C1R: variants seen among roughly 807,000 people sequenced by gnomAD.
C1R encodes the protein complement C1r.
Under a neutral mutation model 27.6 loss-of-function variants are expected in C1R, and 15 were observed. The ratio of observed to expected loss-of-function variants is 0.54; its 90% CI spans 0.36 to 0.84. C1R has a LOEUF of 0.84. Among genes scored for constraint, C1R ranks in the 40% least tolerant of loss-of-function variants. The pLI, the probability that C1R is intolerant of heterozygous loss-of-function variation, is 0.01. For synonymous variants in C1R, 253 were observed against 228.8 expected, an observed-to-expected ratio of 1.11 and a Z score of -0.95; for missense variants, 544 against 577.9, an observed-to-expected ratio of 0.94 and a Z score of 0.60.
intron 3 of C1R, 22 bp from the exon 4 acceptor site, chr12:7,089,755 G>C (rs756632580): frequency 6.4e-6 from 5 of 779,186 alleles, no homozygotes; most frequent in Non-Finnish European, 1.2e-5. Flanking sequence ...TCAGGAAGGA[G>C]GGTTAAGCTT....
In C1R at chr12:7,090,267, G is replaced by C. The variant is rs4600291; in HGVS notation, c.232-19C>G. ...CAGAGATCTGGTGGAAGAAGGACAG[G>C]GGGTAGGAAGAAGATCTGTTGCGGA... On this transcript the variant is annotated intron_variant, in intron 2 of 10. Transcript: ENST00000647956. 8 of 718,460 alleles carry C rather than the reference G, an allele frequency of 1.1e-5. No individual in the cohort carries two copies. The highest frequency in any genetic ancestry group is 1.8e-5 in the Non-Finnish European group (7 of 384,634). 44.5% of individuals were successfully genotyped at this position (718,460 alleles called of 1,614,324 possible).
Position 7,082,042 on chromosome 12 carries a change from C to T in C1R, c.1338G>A (p.Arg446=). 6.5e-7 allele frequency: 1 copy of T among 1,537,112 alleles called. No individual in the cohort carries two copies. The part of the protein sequence containing the change: ...KNEQKGEKIP[R]CLPVCGKPVN... ...AGGGTTTCCACTCACCTGGCAAGCACCGAGGAATCTTCTCTCCCTTCTGTT... is the reference window on the plus strand; with the variant it reads ...AGGGTTTCCACTCACCTGGCAAGCATCGAGGAATCTTCTCTCCCTTCTGTT... The change falls in exon 10 of 11, where the codon CGG becomes CGA. Residue 446 remains arginine, a synonymous_variant. Transcript: ENST00000647956.
intron 3 of C1R, 74 bp downstream of exon 3, chr12:7,089,982 C>A: frequency 1.4e-6 from 1 of 704,156 alleles, no homozygotes; most frequent in Non-Finnish European, 2.7e-6. Flanking sequence ...TCTTTGCATT[C>A]AAGATTCCCT....
chr12:7,080,500 C>G lies in C1R; in HGVS notation c.*32G>C. The G allele has an allele frequency of 6.6e-7, 1 of 1,517,142 alleles. No individual in the cohort carries two copies. The highest frequency in any genetic ancestry group is 1.3e-5 in the South Asian group (1 of 74,218). 94.0% of individuals were successfully genotyped at this position (1,517,142 alleles called of 1,614,324 possible). On this transcript the variant is annotated 3_prime_UTR_variant, in exon 11 of 11. Transcript: ENST00000647956. The surrounding 1 kb of genome is among the most constrained non-coding windows in gnomAD (Gnocchi z 4.9). Reference sequence around the variant, plus strand: ...TTTTTGTTTTTTTTTTTCCACACTGCTCTCTGGATTCGAACCTAGTGAATT... The same window carrying G: ...TTTTTGTTTTTTTTTTTCCACACTGGTCTCTGGATTCGAACCTAGTGAATT...
intron 2 of C1R, 35 bp from the exon 3 acceptor site, chr12:7,090,283 C>A: frequency 1.4e-6 from 1 of 711,002 alleles, no homozygotes; most frequent in Non-Finnish European, 2.6e-6. Context: ...GGAAGAAGAT[C>A]TGTTGCGGAG....
At position 7,082,016 on chromosome 12, in the gene C1R, G is replaced by C; in HGVS notation, c.1348+16C>G. Reference sequence around the variant, plus strand: ...GCTAAAGACCCTGATGATGGCCCCAGAGGGTTTCCACTCACCTGGCAAGCA... The same window carrying C: ...GCTAAAGACCCTGATGATGGCCCCACAGGGTTTCCACTCACCTGGCAAGCA... On this transcript the variant is annotated intron_variant, in intron 10 of 10. Coordinates refer to ENST00000647956, the MANE Select transcript of C1R (RefSeq NM_001733.7). 6.5e-7 allele frequency: 1 copy of C among 1,536,352 alleles called. No individual in the cohort carries two copies. The highest frequency in any genetic ancestry group is 8.7e-7 in the Non-Finnish European group (1 of 1,146,200).
At chr12:7,085,325 TTGG>T (rs1363546322) in intron 9 of C1R, among the ~76,000 whole-genome samples, 1 of 132,052 alleles carries the variant, frequency 7.6e-6, no homozygotes, top group East Asian at 2.3e-4. Context: ...GGTGTTAGTG[TTGG>T]TGGTGATGAT....
rs1423360167 is a variant in C1R, at chr12:7,091,460, A to G, written c.223T>C (p.Tyr75His). Reference sequence around the variant, plus strand: ...GCCCATCCTGCCCCTACCTTGACATAATCATAGAAGCAGCCTTCAGAAGGC... The same window carrying G: ...GCCCATCCTGCCCCTACCTTGACATGATCATAGAAGCAGCCTTCAGAAGGC... ...LEPSEGCFYD[Y>H]VKISADKKSL... is the part of the protein sequence containing the mutation. Residue 75 changes from tyrosine (Y) to histidine (H), a missense_variant, in exon 2 of 11, where the codon TAT becomes CAT. Tyr to His is a moderately conservative substitution (Grantham distance 83). This residue lies in a region of C1R where 291 missense variants were observed against 209.0 expected (regional missense o/e 1.39). Coordinates refer to ENST00000647956, the MANE Select transcript of C1R (RefSeq NM_001733.7). This position sits in a 1 kb window ranked among gnomAD's most constrained non-coding sequence, Gnocchi z 5.1. 3 of 765,648 alleles carry G rather than the reference A, an allele frequency of 3.9e-6. No homozygotes were observed. Among genetic ancestry groups the G allele is most frequent in the Non-Finnish European group, 7.3e-6 (3 of 410,590 alleles). The allele number at this position is 765,648 out of a possible 1,614,324, so 47.4% of individuals were successfully genotyped here.
At position 7,091,956 on chromosome 12, in the gene C1R, G is replaced by A. The variant is rs185919361; in HGVS notation, c.3-276C>T. 4.9e-4 allele frequency: 303 copies of A among 621,620 alleles called. No homozygotes were observed. Among genetic ancestry groups the A allele is most frequent in the African/African-American group, 1.8e-3 (102 of 56,104 alleles). The allele number at this position is 621,620 out of a possible 1,614,324, so 38.5% of individuals were successfully genotyped here. A position where few individuals can be genotyped will look rare whatever the true frequency, so the allele number is the denominator to read the frequency against. On this transcript the variant is annotated intron_variant, in intron 1 of 10. Coordinates refer to ENST00000647956, the MANE Select transcript of C1R (RefSeq NM_001733.7). This position sits in a 1 kb window ranked among gnomAD's most constrained non-coding sequence, Gnocchi z 5.1. ...CCAGCCTCCTCCCCTGCCCGGACGC[G>A]TCCCTCCCCTCCCCTTCCAGGAATA...
chr12:7,090,349 G>T (rs934507985), intron 2 of C1R, 101 bp from the exon 3 acceptor site: 1 of 637,150 alleles, frequency 1.6e-6, no homozygotes, highest in Non-Finnish European at 2.9e-6. Context: ...AGTGCATCAT[G>T]CACCACAATG....
At chr12:7,082,878 T>C (rs1156967993) in intron 9 of C1R, among the ~76,000 whole-genome samples, 1 of 152,156 alleles carries the variant, frequency 6.6e-6, no homozygotes, top group African/African-American at 2.4e-5. Context: ...CCTCATTTTG[T>C]GGATGAGGAA....
At chr12:7,081,602 T>C (rs1269712468) in intron 10 of C1R, among the ~76,000 whole-genome samples, 1 of 152,100 alleles carries the variant, frequency 6.6e-6, no homozygotes, top group African/African-American at 2.4e-5. Flanking sequence ...AAGCAATTCT[T>C]GTGCCTCAGC....
intron 2 of C1R, among the ~76,000 whole-genome samples, chr12:7,090,613 G>A (rs2135744717): frequency 6.6e-6 from 1 of 152,284 alleles, no homozygotes; most frequent in Non-Finnish European, 1.5e-5. Context: ...CCAGAGCTCA[G>A]ACAGCTCCGC....
intron 9 of C1R, among the ~76,000 whole-genome samples, chr12:7,085,289 A>ATGATAGTGG: frequency 7.7e-6 from 1 of 129,826 alleles, no homozygotes; most frequent in South Asian, 2.6e-4. Context: ...GGTGTTGGTA[A>ATGATAGTGG]TGATAGTGGT....
rs781508854 is a variant in C1R at position 7,080,597 on chromosome 12, C to T, written c.2053G>A (p.Gly685Ser). 6 of 1,611,698 alleles carry T rather than the reference C, an allele frequency of 3.7e-6. No individual in the cohort carries two copies. The highest frequency in any genetic ancestry group is 5.1e-6 in the Non-Finnish European group (6 of 1,178,458). The change falls in exon 11 of 11, where the codon GGC (glycine) becomes AGC (serine). Residue 685 changes from glycine (G) to serine (S), a missense_variant. Around this residue, in one of 2 missense-constraint regions of C1R, gnomAD observed 253 missense variants for 368.9 expected, o/e 0.69. Coordinates refer to ENST00000647956, the MANE Select transcript of C1R (RefSeq NM_001733.7). The surrounding 1 kb of genome is among the most constrained non-coding windows in gnomAD (Gnocchi z 4.9). ...TAGTTGAGCACTTTGGTGTAGAAGC[C>T]ATAGCCCCTGCTGCACCCGATGCCC... ...SWGIGCSRGY[G>S]FYTKVLNYVD...
At chr12:7,092,224 G>A (rs1414768584) in intron 1 of C1R, 163 bp downstream of exon 1, 2 of 683,974 alleles carry the variant, frequency 2.9e-6, no homozygotes, top group Non-Finnish European at 5.5e-6. Context: ...ATCCCTAGGA[G>A]GAGGGATGGG....
At chr12:7,082,488 T>G (rs371197272) in intron 9 of C1R, among the ~76,000 whole-genome samples, 1 of 152,060 alleles carries the variant, frequency 6.6e-6, no homozygotes, top group Non-Finnish European at 1.5e-5. Context: ...CCCGCCACCA[T>G]GCCCGGCTAA....
chr12:7,088,034 A>AG (rs1938181727), intron 7 of C1R, among the ~76,000 whole-genome samples: 1 of 152,064 alleles, frequency 6.6e-6, no homozygotes, highest in African/African-American at 2.4e-5. Flanking sequence ...CGGTGGGCGC[A>AG]GGGGGAGACC....
Position 7,080,732 on chromosome 12 carries a change from C to A in C1R, c.1918G>T (p.Ala640Ser). The change falls in exon 11 of 11, where the codon GCT (alanine) becomes TCT (serine). Residue 640 changes from alanine to serine, a missense_variant. Around this residue, in one of 2 missense-constraint regions of C1R, gnomAD observed 253 missense variants for 368.9 expected, o/e 0.69. Coordinates refer to ENST00000647956, the MANE Select transcript of C1R (RefSeq NM_001733.7). The surrounding 1 kb of genome is among the most constrained non-coding windows in gnomAD (Gnocchi z 4.9). ...TCCTGCTTTAGAGATGGGTGTCCAGCACAGAACATGTTTTGAGAGAACACA... is the reference window on the plus strand; with the variant it reads ...TCCTGCTTTAGAGATGGGTGTCCAGAACAGAACATGTTTTGAGAGAACACA... ...MDVFSQNMFC[A>S]GHPSLKQDAC... The A allele has an allele frequency of 6.2e-7, 1 of 1,614,000 alleles. No homozygotes were observed. Among genetic ancestry groups the A allele is most frequent in the Non-Finnish European group, 8.5e-7 (1 of 1,179,898 alleles).
Sources: gnomAD v4.1 joint callset for allele counts (sites outside exome capture counted in the v4.1 genomes callset) on GRCh38, gnomAD v4.1.1 for gene constraint, gnomAD v4.1.1 regional missense constraint, Gnocchi (gnomAD v3.1) non-coding constraint, MANE v1.5 for transcripts, NCBI Gene and HGNC (gene_info 2026-07-23, HGNC 2026-07-21) for gene names.